The following ARSB variants were observed in gnomAD, a reference collection of about 807,000 sequenced individuals.
The protein encoded by ARSB is N-acetylgalactosamine-4-sulfatase.
In ARSB, 41 loss-of-function variants were observed where a neutral mutation model predicts 50.9. That is an observed-to-expected ratio of 0.81 (90% CI 0.63 to 1.04). ARSB has a LOEUF of 1.04. ARSB is among the 50% of genes least tolerant of loss of function. The pLI, the probability that ARSB is intolerant of heterozygous loss-of-function variation, is 0.00. For missense variants in ARSB, 672 were observed against 693.3 expected (o/e 0.97, Z 0.35); for synonymous variants, 269 against 284.8 (o/e 0.94, Z 0.56).
chr5:78,802,352 T>C lies in ARSB; in HGVS notation c.1214-20378A>G, dbSNP rs779703010. On this transcript the variant is annotated intron_variant, in intron 6 of 7. Transcript: ENST00000264914. ...GTTAAATTAAATTAAATATATTTAA[T>C]ACATGTCTCCCTAGAAAAGTATATG... Among the ~76,000 whole-genome samples the C allele has an allele frequency of 3.3e-5, 5 of 151,874 alleles. No individual in the cohort carries two copies. The East Asian group carries it at 7.7e-4, about 23-fold the overall frequency.
At chr5:78,970,370 CT>C (rs1019485713) in intron 1 of ARSB, among the ~76,000 whole-genome samples, 2 of 151,994 alleles carry the variant, frequency 1.3e-5, no homozygotes, top group African/African-American at 4.8e-5. Context: ...AAAAATAGAG[CT>C]TTTTTCATAA....
At chr5:78,982,836 C>T (rs900959121) in intron 1 of ARSB, among the ~76,000 whole-genome samples, 23 of 152,002 alleles carry the variant, frequency 1.5e-4, no homozygotes, top group Non-Finnish European at 3.1e-4. Flanking sequence ...GGTGAGAAAA[C>T]TGGAGGAAAA....
intron 4 of ARSB, among the ~76,000 whole-genome samples, chr5:78,893,496 T>C (rs1334147743): frequency 6.6e-6 from 1 of 152,224 alleles, no homozygotes; most frequent in African/African-American, 2.4e-5. Context: ...GAGATATCAA[T>C]GGGGTTTTAT....
intron 4 of ARSB, among the ~76,000 whole-genome samples, chr5:78,894,353 T>C (rs1028930363): frequency 6.6e-5 from 10 of 152,334 alleles, no homozygotes; most frequent in African/African-American, 2.4e-4. Context: ...TGATTCCAAG[T>C]ATATAATACA....
chr5:78,953,502 C>A (rs1751573757), intron 4 of ARSB, among the ~76,000 whole-genome samples: 1 of 152,236 alleles, frequency 6.6e-6, no homozygotes, highest in Non-Finnish European at 1.5e-5. Flanking sequence ...ATAGTAACTG[C>A]TCAACAAATG....
chr5:78,893,378 A>G (rs529702312), intron 4 of ARSB, among the ~76,000 whole-genome samples: 2 of 152,366 alleles, frequency 1.3e-5, no homozygotes, highest in East Asian at 3.9e-4. Context: ...GCATGCAGGG[A>G]AAGGGCAAAA....
chr5:78,787,097 T>A lies in ARSB; in HGVS notation c.1214-5123A>T, dbSNP rs55691048. 2.0e-3 allele frequency among the ~76,000 whole-genome samples: 300 copies of A among 147,272 alleles called. 2 individuals are homozygous for A. The highest frequency in any genetic ancestry group is 7.4e-3 in the African/African-American group (284 of 38,152). ...TTATTAAAAAATCGATAACCATCTA[T>A]CTATCTATCTATCTATCTATCTATC... On this transcript the variant is annotated intron_variant, in intron 6 of 7. Transcript: ENST00000264914.
At chr5:78,929,741 C>T (rs1210041083) in intron 4 of ARSB, among the ~76,000 whole-genome samples, 1 of 148,046 alleles carries the variant, frequency 6.8e-6, no homozygotes, top group African/African-American at 2.5e-5. Flanking sequence ...TGCAGTCAGC[C>T]GAGATCGCGC....
intron 4 of ARSB, among the ~76,000 whole-genome samples, chr5:78,937,975 AC>A (rs1173580450): frequency 6.6e-6 from 1 of 152,068 alleles, no homozygotes; most frequent in Non-Finnish European, 1.5e-5. Flanking sequence ...TATCTGCTAC[AC>A]CCCCCACCCA....
At chr5:78,880,186 C>G (rs371118437) in intron 5 of ARSB, among the ~76,000 whole-genome samples, 3 of 152,156 alleles carry the variant, frequency 2.0e-5, no homozygotes, top group African/African-American at 7.2e-5. Flanking sequence ...TAGACTTTTC[C>G]CAATTTCTCT....
chr5:78,924,504 C>T (rs1749963460), intron 4 of ARSB, among the ~76,000 whole-genome samples: 1 of 152,198 alleles, frequency 6.6e-6, no homozygotes, highest in Non-Finnish European at 1.5e-5. Flanking sequence ...CTATCTATGG[C>T]TTTGCCCAGC....
chr5:78,939,945 T>C (rs187815676), intron 4 of ARSB, among the ~76,000 whole-genome samples: 77 of 152,338 alleles, frequency 5.1e-4, no homozygotes, highest in African/African-American at 1.7e-3. Flanking sequence ...CAGCACCTGT[T>C]GTTTCCTGAC....
chr5:78,907,757 C>T (rs1403508161), intron 4 of ARSB, among the ~76,000 whole-genome samples: 1 of 152,146 alleles, frequency 6.6e-6, no homozygotes, highest in Admixed American at 6.5e-5. Context: ...AAATAGCGGC[C>T]AAGTCCATTG....
chr5:78,830,551 T>TCGGGATGAAAGC (rs1407449425), intron 6 of ARSB, among the ~76,000 whole-genome samples: 2 of 152,160 alleles, frequency 1.3e-5, no homozygotes, highest in African/African-American at 4.8e-5. Flanking sequence ...GTGTATTTTC[T>TCGGGATGAAAGC]CGGGATGAAA....
intron 4 of ARSB, among the ~76,000 whole-genome samples, chr5:78,947,429 A>C (rs1296378877): frequency 1.3e-5 from 2 of 152,162 alleles, no homozygotes; most frequent in East Asian, 1.9e-4. Context: ...AAACAACTCT[A>C]TGGGGAAAAA....
At chr5:78,961,532 C>T (rs16876150) in intron 3 of ARSB, among the ~76,000 whole-genome samples, 40,332 of 152,052 alleles carry the variant, frequency 0.27, 6,661 homozygotes, top group African/African-American at 0.47. Context: ...CTTTTAGGGC[C>T]TCCTATTGTC....
At chr5:78,932,009 T>A (rs1419450797) in intron 4 of ARSB, among the ~76,000 whole-genome samples, 1 of 152,230 alleles carries the variant, frequency 6.6e-6, no homozygotes, top group Non-Finnish European at 1.5e-5. Flanking sequence ...CATGTGGAAC[T>A]GGCTCTTAAA....
chr5:78,984,837 C>T, intron 1 of ARSB, 100 bp downstream of exon 1: 2 of 1,027,046 alleles, frequency 1.9e-6, no homozygotes, highest in Non-Finnish European at 2.5e-6. Flanking sequence ...GGTCCGAGCC[C>T]CGCCTGCCAG....
At chr5:78,800,806 G>A (rs1330752016) in intron 6 of ARSB, among the ~76,000 whole-genome samples, 1 of 152,156 alleles carries the variant, frequency 6.6e-6, no homozygotes, top group Non-Finnish European at 1.5e-5. Context: ...CAGAACTCCA[G>A]AGATGGAAAG....
Sources: gnomAD v4.1 joint callset for allele counts (sites outside exome capture counted in the v4.1 genomes callset) on GRCh38, gnomAD v4.1.1 for gene constraint, MANE v1.5 for transcripts, NCBI Gene and HGNC (gene_info 2026-07-23, HGNC 2026-07-21) for gene names.